Variants in ACSM5 observed in about 807,000 individuals in gnomAD.
The protein encoded by ACSM5 is acyl-CoA synthetase medium chain family member 5, also known as acyl-coenzyme A synthetase ACSM5, mitochondrial.
ACSM5 carries 56 observed loss-of-function variants against 71.6 expected under a neutral mutation model. That is an observed-to-expected ratio of 0.78 (90% CI 0.63 to 0.98). The LOEUF (loss-of-function observed/expected upper bound fraction) is 0.98. ACSM5 is among the 50% of genes least tolerant of loss of function. The pLI is 0.00. For synonymous variants in ACSM5, 285 were observed against 281.5 expected, an observed-to-expected ratio of 1.01 and a Z score of -0.12; for missense variants, 723 against 726.0, an observed-to-expected ratio of 1.00 and a Z score of 0.05.
rs200600433 is a variant in ACSM5, at chr16:20,437,032, G to A, written c.1309-20G>A. 640 of 1,613,894 alleles carry A rather than the reference G, an allele frequency of 4.0e-4. 9 individuals are homozygous for A. The East Asian group carries it at 0.014, about 34-fold the overall frequency. On this transcript the variant is annotated intron_variant, in intron 10 of 13. Transcript: ENST00000331849. ...CAGTTGTTCCCAGAGGGTCCTTCAC[G>A]GGTTGTCTTTGTCTTTCAGGACAAT...
chr16:20,431,823 C>T (rs1230139435), intron 10 of ACSM5, among the ~76,000 whole-genome samples: 8 of 151,964 alleles, frequency 5.3e-5, no homozygotes, highest in Non-Finnish European at 1.2e-4. Flanking sequence ...TGGTGGCGCA[C>T]GCCTCTATTC....
intron 6 of ACSM5, among the ~76,000 whole-genome samples, chr16:20,426,199 G>A (rs1445891597): frequency 1.3e-5 from 2 of 152,200 alleles, no homozygotes; most frequent in Non-Finnish European, 2.9e-5. Context: ...TTATCATCAT[G>A]ATCAAACTCA....
At position 20,431,065 on chromosome 16, in the gene ACSM5, G is replaced by C; in HGVS notation, c.1198G>C (p.Asp400His). The change falls in exon 9 of 14, where the codon GAT becomes CAT. Residue 400 changes from aspartate (D) to histidine (H), a missense_variant. By Grantham distance (81) the Asp-to-His change is moderately conservative. Coordinates refer to ENST00000331849, the MANE Select transcript of ACSM5 (RefSeq NM_017888.3). ...CATGGGGAAGGCGTCCCCACCCTAC[G>C]ATGTGCAGGTAGCAGCCTCCCCCAA... ...GSMGKASPPY[D>H]VQIVDDEGNV... The C allele has an allele frequency of 6.3e-7, 1 of 1,597,800 alleles. No individual in the cohort carries two copies. Among genetic ancestry groups the C allele is most frequent in the Non-Finnish European group, 8.6e-7 (1 of 1,167,402 alleles).
intron 10 of ACSM5, among the ~76,000 whole-genome samples, chr16:20,433,720 G>C (rs548742561): frequency 1.3e-5 from 2 of 152,092 alleles, no homozygotes; most frequent in Non-Finnish European, 2.9e-5. Flanking sequence ...TGCCACCAAG[G>C]CTGGAGTGCA....
At chr16:20,424,831 C>T (rs1357400828) in intron 6 of ACSM5, among the ~76,000 whole-genome samples, 1 of 152,164 alleles carries the variant, frequency 6.6e-6, no homozygotes, top group African/African-American at 2.4e-5. Context: ...GCCAGCACAT[C>T]ATAGGTTCTT....
At chr16:20,425,535 C>G (rs1304778938) in intron 6 of ACSM5, among the ~76,000 whole-genome samples, 1 of 152,162 alleles carries the variant, frequency 6.6e-6, no homozygotes, top group Non-Finnish European at 1.5e-5. Flanking sequence ...ATCACCTGAG[C>G]AGTATACACT....
intron 6 of ACSM5, among the ~76,000 whole-genome samples, chr16:20,425,789 A>G (rs1966967491): frequency 6.6e-6 from 1 of 151,852 alleles, no homozygotes; most frequent in Admixed American, 6.6e-5. Flanking sequence ...GTTGTATTCC[A>G]TTATATATAT....
chr16:20,428,579 G>C (rs1462628003), intron 7 of ACSM5, among the ~76,000 whole-genome samples: 1 of 152,144 alleles, frequency 6.6e-6, no homozygotes, highest in African/African-American at 2.4e-5. Context: ...ATGAGGAGTC[G>C]TCCTCTCATC....
chr16:20,435,997 TTC>T (rs1350412322), intron 10 of ACSM5, among the ~76,000 whole-genome samples: 3 of 146,796 alleles, frequency 2.0e-5, no homozygotes, highest in African/African-American at 7.7e-5. Context: ...TTTCTTTTCT[TTC>T]TCTTTCTTTC....
intron 10 of ACSM5, among the ~76,000 whole-genome samples, chr16:20,431,940 G>A (rs78668695): frequency 0.061 from 8,644 of 140,622 alleles, 389 homozygotes; most frequent in East Asian, 0.14. Flanking sequence ...ACGAGACTCC[G>A]TATCAAAAAA....
intron 12 of ACSM5, among the ~76,000 whole-genome samples, chr16:20,439,097 A>G (rs891634914): frequency 4.0e-5 from 6 of 149,452 alleles, no homozygotes; most frequent in Non-Finnish European, 8.9e-5. Flanking sequence ...GTATGCAAGG[A>G]CAGTGAGCTA....
chr16:20,438,820 C>T (rs1227561529), intron 12 of ACSM5, among the ~76,000 whole-genome samples: 16 of 150,756 alleles, frequency 1.1e-4, no homozygotes, highest in African/African-American at 3.4e-4. Context: ...CCAGGCGTGG[C>T]GGTGGGCGCC....
Position 20,421,338 on chromosome 16 carries a change from G to T in ACSM5, c.704G>T (p.Gly235Val). 1 of 1,609,844 alleles carries T rather than the reference G, an allele frequency of 6.2e-7. No individual in the cohort carries two copies. The highest frequency in any genetic ancestry group is 8.5e-7 in the Non-Finnish European group (1 of 1,177,918). ...ATCTACTTTACCAGCGGAACCACCG[G>T]GGCCCCCAAGATGGTCGAGCACTCC... ...LAIYFTSGTT[G>V]APKMVEHSQS... Residue 235 changes from glycine to valine, a missense_variant, in exon 5 of 14, where the codon GGG becomes GTG. Coordinates refer to ENST00000331849, the MANE Select transcript of ACSM5 (RefSeq NM_017888.3).
Position 20,410,084 on chromosome 16 carries a change from A to T in ACSM5, c.-16+419A>T, listed in dbSNP as rs149220605. ...TCTTTATCTTTAAATGGAGAAAATA[A>T]CATTTACAGCATAGAGTTGTTATAA... is the stretch of plus-strand genomic sequence containing the variant. On this transcript the variant is annotated intron_variant, in intron 1 of 13. Coordinates refer to ENST00000331849, the MANE Select transcript of ACSM5 (RefSeq NM_017888.3). 1.6e-3 allele frequency among the ~76,000 whole-genome samples: 239 copies of T among 152,348 alleles called. 2 individuals are homozygous for T. Among genetic ancestry groups the T allele is most frequent in the African/African-American group, 5.4e-3 (226 of 41,576 alleles).
In ACSM5 at chr16:20,419,233, G is replaced by A. The variant is rs1206134279; in HGVS notation, c.421G>A (p.Val141Met). Reference protein sequence around the residue: ...VSVACMRTGTVMIPGVTQLTE... With the variant: ...VSVACMRTGTMMIPGVTQLTE... ...CCCCTTCTGTTTTATGCCAGGGACTGTGATGATTCCGGGTGTGACTCAGCT... is the reference window on the plus strand; with the variant it reads ...CCCCTTCTGTTTTATGCCAGGGACTATGATGATTCCGGGTGTGACTCAGCT... Residue 141 changes from valine to methionine, a missense_variant, in exon 4 of 14, where the codon GTG (valine) becomes ATG (methionine). Val to Met is a conservative substitution (Grantham distance 21, BLOSUM62 1). Transcript: ENST00000331849. The A allele has an allele frequency of 1.2e-6, 2 of 1,614,104 alleles. No homozygotes were observed. Among genetic ancestry groups the A allele is most frequent in the Non-Finnish European group, 8.5e-7 (1 of 1,180,014 alleles).
At chr16:20,438,302 G>A (rs562775936) in intron 12 of ACSM5, among the ~76,000 whole-genome samples, 1 of 152,056 alleles carries the variant, frequency 6.6e-6, no homozygotes, top group South Asian at 2.1e-4. Context: ...CAAGACCACA[G>A]GAGAGATTCT....
intron 2 of ACSM5, among the ~76,000 whole-genome samples, chr16:20,417,115 T>C (rs1596612155): frequency 6.6e-6 from 1 of 151,344 alleles, no homozygotes; most frequent in South Asian, 2.1e-4. Context: ...TGTAAAATGG[T>C]GCAGTGCTGT....
intron 2 of ACSM5, among the ~76,000 whole-genome samples, chr16:20,413,374 T>C (rs1249802263): frequency 6.6e-6 from 1 of 152,220 alleles, no homozygotes; most frequent in Admixed American, 6.5e-5. Context: ...TTTTCAAAGC[T>C]TCACTTATGA....
intron 2 of ACSM5, 46 bp from the exon 3 acceptor site, chr16:20,418,013 T>C: frequency 6.4e-7 from 1 of 1,565,820 alleles, no homozygotes; most frequent in Non-Finnish European, 8.7e-7. Flanking sequence ...AAACAAAAAT[T>C]CTCAATAAAT....
Sources: allele counts gnomAD v4.1 joint callset (sites outside exome capture counted in the v4.1 genomes callset), GRCh38; gene constraint gnomAD v4.1.1; transcripts MANE v1.5; gene names NCBI Gene and HGNC (gene_info 2026-07-23, HGNC 2026-07-21).